The following FMN1 variants were observed in gnomAD, a reference collection of about 807,000 sequenced individuals.
FMN1 encodes the protein formin-1.
In FMN1, 110 loss-of-function variants were observed where a neutral mutation model predicts 132.4. The ratio of observed to expected loss-of-function variants is 0.83; its 90% confidence interval spans 0.71 to 0.97. FMN1 has a LOEUF of 0.97. FMN1 is among the 50% of genes least tolerant of loss of function. The pLI, the probability that FMN1 is intolerant of heterozygous loss-of-function variation, is 0.00. For synonymous variants in FMN1, 722 were observed against 651.7 expected (o/e 1.11, Z -1.64); for missense variants, 1,792 against 1,705.3 (o/e 1.05, Z -0.90).
At chr15:33,087,804 T>C (rs2468760) in intron 5 of FMN1, among the ~76,000 whole-genome samples, 4 of 85,288 alleles carry the variant, frequency 4.7e-5, no homozygotes, top group Non-Finnish European at 1.1e-4. Context: ...TTTACATATA[T>C]ACATATACAC....
intron 16 of FMN1, among the ~76,000 whole-genome samples, chr15:32,870,649 G>A (rs1054485563): frequency 2.6e-5 from 4 of 152,212 alleles, no homozygotes; most frequent in Non-Finnish European, 5.9e-5. Context: ...TGATGATTAT[G>A]TGGTTACGGA....
chr15:32,932,066 C>T (rs938848025), intron 9 of FMN1, among the ~76,000 whole-genome samples: 1 of 152,062 alleles, frequency 6.6e-6, no homozygotes, highest in Non-Finnish European at 1.5e-5. Flanking sequence ...ATAATTGACA[C>T]TTGGTGATGG....
chr15:33,044,221 C>T (rs1043404205), intron 6 of FMN1, among the ~76,000 whole-genome samples: 3 of 152,214 alleles, frequency 2.0e-5, no homozygotes, highest in Admixed American at 6.5e-5. Flanking sequence ...CCTGCAGGTG[C>T]CCCTTGGCAC....
intron 7 of FMN1, among the ~76,000 whole-genome samples, chr15:32,992,095 A>C (rs2033469949): frequency 6.6e-6 from 1 of 152,144 alleles, no homozygotes; most frequent in South Asian, 2.1e-4. Context: ...AGTGTAGCTG[A>C]TGTTGCCAGA....
At chr15:32,925,449 A>C (rs1220313244) in intron 10 of FMN1, among the ~76,000 whole-genome samples, 1 of 152,212 alleles carries the variant, frequency 6.6e-6, no homozygotes, top group African/African-American at 2.4e-5. Flanking sequence ...ATAAATAAAA[A>C]CATAGCAGCA....
chr15:33,153,105 C>G lies in FMN1; in HGVS notation c.1810G>C (p.Glu604Gln). 1 of 1,535,918 alleles carries G rather than the reference C, an allele frequency of 6.5e-7. No homozygotes were observed. Among genetic ancestry groups the G allele is most frequent in the Non-Finnish European group, 8.7e-7 (1 of 1,146,828 alleles). Residue 604 changes from glutamate (E) to glutamine (Q), a missense_variant, in exon 4 of 21, where the codon GAA (glutamate) becomes CAA (glutamine). Around this residue, in one of 3 missense-constraint regions of FMN1, gnomAD observed 1,150 missense variants for 1,043.1 expected, o/e 1.10. Transcript: ENST00000616417. ...QPRLVPGETLEKSLGPGKTTA... is the reference protein window; with the variant it reads ...QPRLVPGETLQKSLGPGKTTA... The stretch of plus-strand genomic sequence containing the variant: ...GTCTTCCCTGGCCCCAAGCTCTTTT[C>G]CAAAGTTTCCCCAGGCACCAACCGA...
At chr15:33,045,684 C>G (rs1052049274) in intron 6 of FMN1, among the ~76,000 whole-genome samples, 6 of 152,124 alleles carry the variant, frequency 3.9e-5, no homozygotes, top group African/African-American at 1.4e-4. Context: ...CAGTTAGAGG[C>G]CCTGTACAAC....
chr15:32,918,812 G>A (rs1219745569), intron 10 of FMN1, among the ~76,000 whole-genome samples: 1 of 152,142 alleles, frequency 6.6e-6, no homozygotes, highest in Non-Finnish European at 1.5e-5. Context: ...GTTGCCTGAA[G>A]GTAAAGTACA....
chr15:32,914,533 G>T (rs898100973), intron 10 of FMN1, among the ~76,000 whole-genome samples: 4 of 152,320 alleles, frequency 2.6e-5, no homozygotes, highest in African/African-American at 7.2e-5. Flanking sequence ...CGATGAACCT[G>T]TAATACACTT....
At chr15:33,087,611 G>A (rs2038745781) in intron 5 of FMN1, among the ~76,000 whole-genome samples, 1 of 152,092 alleles carries the variant, frequency 6.6e-6, no homozygotes, top group African/African-American at 2.4e-5. Context: ...TGAACTAAAA[G>A]TAGATCCATC....
At chr15:32,928,819 GA>G (rs1392212292) in intron 9 of FMN1, among the ~76,000 whole-genome samples, 2 of 152,298 alleles carry the variant, frequency 1.3e-5, no homozygotes, top group Middle Eastern at 3.4e-3. Flanking sequence ...TTAGGGCTCT[GA>G]AAACTACCAG....
Position 32,900,083 on chromosome 15 carries a change from T to C in FMN1, c.3550A>G (p.Ile1184Val). 1 of 1,613,894 alleles carries C rather than the reference T, an allele frequency of 6.2e-7. No homozygotes were observed. Among genetic ancestry groups the C allele is most frequent in the Non-Finnish European group, 8.5e-7 (1 of 1,179,850 alleles). The change falls in exon 14 of 21, where the codon ATC becomes GTC. Residue 1184 changes from isoleucine to valine, a missense_variant. Ile to Val is a conservative substitution (Grantham distance 29). Transcript: ENST00000616417. ...VKSVKDILAL[I>V]LAFGNYMNGG... ...TTCATATAATTTCCAAAAGCCAAGA[T>C]GAGAGCTAAAATATCCTTCACGCTC...
intron 17 of FMN1, among the ~76,000 whole-genome samples, chr15:32,854,528 C>A (rs2059079808): frequency 6.6e-6 from 1 of 152,114 alleles, no homozygotes; most frequent in East Asian, 1.9e-4. Context: ...TTGTCTTAAG[C>A]ATGATTTGAT....
rs574484126 is a variant in FMN1 at position 33,094,311 on chromosome 15, G to T, written c.1868-5337C>A. On this transcript the variant is annotated intron_variant, in intron 4 of 20. Coordinates refer to ENST00000616417, the MANE Select transcript of FMN1 (RefSeq NM_001277313.2). ...TCAGAAGACTTTTCCTGGGCTGGGG[G>T]ATAGATAGATTTGATGGGAGAAGCA... 4.0e-3 allele frequency among the ~76,000 whole-genome samples: 602 copies of T among 152,264 alleles called. 8 individuals are homozygous for T. The highest frequency in any genetic ancestry group is 0.014 in the African/African-American group (578 of 41,552).
chr15:33,057,033 C>G (rs542654057), intron 6 of FMN1, among the ~76,000 whole-genome samples: 1 of 152,190 alleles, frequency 6.6e-6, no homozygotes, highest in East Asian at 1.9e-4. Context: ...AATAAATTAG[C>G]CAGGCACGGT....
At chr15:33,047,257 ATTTT>A (rs1281320257) in intron 6 of FMN1, among the ~76,000 whole-genome samples, 1 of 152,102 alleles carries the variant, frequency 6.6e-6, no homozygotes, top group African/African-American at 2.4e-5. Context: ...AAGATTCTAG[ATTTT>A]ATAAAAACTG....
rs142594230 is a variant in FMN1 at position 32,996,119 on chromosome 15, C to A, written c.2223+11895G>T. Reference sequence around the variant, plus strand: ...TGATAGATAGGTCATCTACCACATGCCATTGTGGCCCAGTCCCACCTAAGC... The same window carrying A: ...TGATAGATAGGTCATCTACCACATGACATTGTGGCCCAGTCCCACCTAAGC... On this transcript the variant is annotated intron_variant, in intron 7 of 20. Transcript: ENST00000616417. Among the ~76,000 whole-genome samples the A allele has an allele frequency of 2.0e-3, 307 of 152,336 alleles. 1 individual carries two copies. The highest frequency in any genetic ancestry group is 3.4e-3 in the Middle Eastern group (1 of 294).
chr15:33,038,502 T>C (rs1483343096), intron 6 of FMN1, among the ~76,000 whole-genome samples: 7 of 152,234 alleles, frequency 4.6e-5, no homozygotes, highest in Admixed American at 3.9e-4. Flanking sequence ...TTCTGTGGGA[T>C]GCAAATAGTA....
intron 9 of FMN1, among the ~76,000 whole-genome samples, chr15:32,938,828 G>T (rs374936209): frequency 6.6e-6 from 1 of 152,044 alleles, no homozygotes; most frequent in African/African-American, 2.4e-5. Context: ...CATTTTTAAT[G>T]ATTTTTATTA....
Sources: allele counts gnomAD v4.1 joint callset (sites outside exome capture counted in the v4.1 genomes callset), GRCh38; gene constraint gnomAD v4.1.1; regional missense constraint gnomAD v4.1.1; transcripts MANE v1.5; gene names NCBI Gene and HGNC (gene_info 2026-07-23, HGNC 2026-07-21).